Variants in SHLD2 observed in about 807,000 individuals in gnomAD.
SHLD2 encodes the protein shieldin complex subunit 2.
In SHLD2, 30 loss-of-function variants were observed where a neutral mutation model predicts 73.2. The observed-to-expected ratio is 0.41, with a 90% CI of 0.31 to 0.56. The LOEUF (loss-of-function observed/expected upper bound fraction) is 0.56. Ranked by LOEUF, SHLD2 falls within the 20% of genes least tolerant of loss-of-function variation. The probability of loss-of-function intolerance (pLI) is 0.28; values close to 1 mark genes in which losing one functional copy is unlikely to be tolerated. For missense variants in SHLD2, 745 were observed against 1,055.9 expected (o/e 0.71, Z 4.08); for synonymous variants, 285 against 370.1 (o/e 0.77, Z 2.64).
intron 2 of SHLD2, among the ~76,000 whole-genome samples, chr10:87,143,977 C>A (rs1845397068): frequency 6.6e-6 from 1 of 151,598 alleles, no homozygotes. Context: ...GATTCTCCTG[C>A]CTCAGCCTCC....
intron 2 of SHLD2, among the ~76,000 whole-genome samples, chr10:87,124,227 A>G (rs1037435088): frequency 6.6e-6 from 1 of 152,168 alleles, no homozygotes; most frequent in Non-Finnish European, 1.5e-5. Flanking sequence ...ATGACCTCAC[A>G]TACAGTGACC....
chr10:87,098,651 G>A (rs1039141975), intron 2 of SHLD2, among the ~76,000 whole-genome samples: 2 of 152,088 alleles, frequency 1.3e-5, no homozygotes, highest in Non-Finnish European at 2.9e-5. Context: ...ATTCCAAGGA[G>A]TATTTTAAGT....
At chr10:87,120,244 T>TTATA (rs1156734820) in intron 2 of SHLD2, among the ~76,000 whole-genome samples, 2 of 148,742 alleles carry the variant, frequency 1.3e-5, no homozygotes, top group African/African-American at 5.2e-5. Context: ...ATTTATTTAT[T>TTATA]TATTTATTTA....
chr10:87,103,164 C>T (rs1842377783), intron 2 of SHLD2, among the ~76,000 whole-genome samples: 1 of 150,938 alleles, frequency 6.6e-6, no homozygotes, highest in Non-Finnish European at 1.5e-5. Flanking sequence ...GAGCCGAGAT[C>T]TCACCACTGC....
In SHLD2 at chr10:87,140,381, C is replaced by T. The variant is rs1248554907; in HGVS notation, c.-5-10969C>T. Among the ~76,000 whole-genome samples the T allele has an allele frequency of 7.6e-5, 11 of 144,748 alleles. No individual in the cohort carries two copies. In the East Asian group the frequency reaches 2.2e-3, roughly 29 times the overall value. 95.0% of individuals were successfully genotyped at this position (144,748 alleles called of 152,430 possible). The stretch of plus-strand genomic sequence containing the variant: ...GTTGCAGTAAGCCAAGATCATGCCA[C>T]TACACTACAGCCTGGGCAACAGAGT... On this transcript the variant is annotated intron_variant, in intron 2 of 9. Transcript: ENST00000298786.
chr10:87,101,348 T>C (rs1842255109), intron 2 of SHLD2, among the ~76,000 whole-genome samples: 1 of 152,252 alleles, frequency 6.6e-6, no homozygotes, highest in South Asian at 2.1e-4. Flanking sequence ...ATAAAATGTG[T>C]AATCAACTAA....
chr10:87,102,816 G>A (rs1374219400), intron 2 of SHLD2, among the ~76,000 whole-genome samples: 1 of 152,168 alleles, frequency 6.6e-6, no homozygotes, highest in Non-Finnish European at 1.5e-5. Context: ...CTCCCAAAGT[G>A]TTGGGATTAT....
At chr10:87,134,353 C>G (rs544328654) in intron 2 of SHLD2, among the ~76,000 whole-genome samples, 6 of 152,266 alleles carry the variant, frequency 3.9e-5, no homozygotes, top group African/African-American at 1.4e-4. Context: ...CGTGGTTGCT[C>G]TAGGATGGAA....
intron 4 of SHLD2, among the ~76,000 whole-genome samples, chr10:87,160,173 C>G (rs1033429833): frequency 5.3e-5 from 8 of 151,880 alleles, no homozygotes; most frequent in African/African-American, 1.9e-4. Flanking sequence ...TACTAGGATA[C>G]TTTCCCTTTC....
chr10:87,113,232 G>A (rs1321944608), intron 2 of SHLD2, among the ~76,000 whole-genome samples: 1 of 152,164 alleles, frequency 6.6e-6, no homozygotes, highest in Non-Finnish European at 1.5e-5. Context: ...GCTGAGGCAG[G>A]AGAATCGCTT....
At chr10:87,097,692 TGC>T (rs1313545389) in intron 2 of SHLD2, among the ~76,000 whole-genome samples, 1 of 152,184 alleles carries the variant, frequency 6.6e-6, no homozygotes, top group African/African-American at 2.4e-5. Context: ...TGTGTGTAGG[TGC>T]CTTACAAACT....
chr10:87,136,898 G>T (rs1034645425), intron 2 of SHLD2, among the ~76,000 whole-genome samples: 1 of 152,168 alleles, frequency 6.6e-6, no homozygotes, highest in Admixed American at 6.6e-5. Flanking sequence ...AATATTTGAA[G>T]CCAGTGATTA....
At chr10:87,169,762 G>C (rs1370951013) in intron 4 of SHLD2, among the ~76,000 whole-genome samples, 4 of 151,712 alleles carry the variant, frequency 2.6e-5, no homozygotes, top group Non-Finnish European at 5.9e-5. Flanking sequence ...TTAATAAAAA[G>C]TGAGAAAAAA....
intron 2 of SHLD2, among the ~76,000 whole-genome samples, chr10:87,126,630 A>C (rs919221794): frequency 1.3e-4 from 19 of 151,896 alleles, no homozygotes; most frequent in Admixed American, 3.9e-4. Flanking sequence ...TATTATTAAA[A>C]CTCAACTTCA....
chr10:87,155,956 A>G (rs915646804), intron 3 of SHLD2, among the ~76,000 whole-genome samples: 58 of 151,502 alleles, frequency 3.8e-4, no homozygotes, highest in Middle Eastern at 3.4e-3. Context: ...AAATGTTGGG[A>G]AAAAAAAGAA....
At chr10:87,144,720 T>C (rs1390618844) in intron 2 of SHLD2, among the ~76,000 whole-genome samples, 1 of 132,890 alleles carries the variant, frequency 7.5e-6, no homozygotes, top group Non-Finnish European at 1.6e-5. Flanking sequence ...TCCGCCTCCC[T>C]GGTTCACGCC....
intron 2 of SHLD2, among the ~76,000 whole-genome samples, chr10:87,147,257 T>C (rs1002344344): frequency 1.1e-4 from 16 of 152,122 alleles, no homozygotes; most frequent in African/African-American, 3.9e-4. Flanking sequence ...TGGCTCAGTA[T>C]AGATATGTAA....
intron 2 of SHLD2, among the ~76,000 whole-genome samples, chr10:87,124,686 A>T (rs1489871485): frequency 6.6e-6 from 1 of 152,192 alleles, no homozygotes; most frequent in Non-Finnish European, 1.5e-5. Context: ...TTGTTTTAAC[A>T]AATATTTATA....
intron 2 of SHLD2, among the ~76,000 whole-genome samples, chr10:87,097,381 T>C (rs1266797154): frequency 6.6e-6 from 1 of 151,886 alleles, no homozygotes; most frequent in African/African-American, 2.4e-5. Flanking sequence ...GGCAACACAG[T>C]GAAACCTTGT....
Sources: allele counts gnomAD v4.1 joint callset (sites outside exome capture counted in the v4.1 genomes callset), GRCh38; gene constraint gnomAD v4.1.1; transcripts MANE v1.5; gene names NCBI Gene and HGNC (gene_info 2026-07-23, HGNC 2026-07-21).